PLB1: variants seen among roughly 807,000 people sequenced by gnomAD.
PLB1 encodes phospholipase B1.
A neutral mutation model predicts 227.4 loss-of-function variants in PLB1; 242 were observed. The ratio of observed to expected loss-of-function variants is 1.06; its 90% CI spans 0.96 to 1.18. The LOEUF is 1.18. Ranked by LOEUF, PLB1 falls within the 50% of genes most tolerant of loss-of-function variation. The pLI is 0.00. For missense variants in PLB1, 1,858 were observed against 1,816.3 expected (o/e 1.02, Z -0.42); for synonymous variants, 757 against 682.2 (o/e 1.11, Z -1.71).
intron 46 of PLB1, among the ~76,000 whole-genome samples, chr2:28,619,809 C>A (rs1489671370): frequency 6.6e-6 from 1 of 152,090 alleles, no homozygotes; most frequent in East Asian, 1.9e-4. Context: ...TTATGGTGAC[C>A]TCAGAAGATT....
intron 6 of PLB1, among the ~76,000 whole-genome samples, chr2:28,528,014 A>G (rs1246629952): frequency 6.6e-6 from 1 of 152,166 alleles, no homozygotes; most frequent in Non-Finnish European, 1.5e-5. Flanking sequence ...CTACAGGTGG[A>G]AAAGTGTTTC....
chr2:28,604,887 G>A (rs1684443016), intron 41 of PLB1, 128 bp downstream of exon 41: 4 of 843,754 alleles, frequency 4.7e-6, no homozygotes, highest in Non-Finnish European at 5.5e-6. Context: ...GTGCTGGCAG[G>A]TGCAGGCTCC....
At chr2:28,624,041 T>A (rs996623427) in intron 49 of PLB1, among the ~76,000 whole-genome samples, 6 of 152,162 alleles carry the variant, frequency 3.9e-5, no homozygotes, top group Non-Finnish European at 5.9e-5. Context: ...GAGGCTGCAG[T>A]GAGCCGTGAT....
intron 44 of PLB1, among the ~76,000 whole-genome samples, chr2:28,614,312 G>C (rs1195403824): frequency 6.6e-6 from 1 of 152,192 alleles, no homozygotes; most frequent in Admixed American, 6.5e-5. Context: ...CCCCCAAGCA[G>C]AGGAAGTGTC....
At chr2:28,511,354 G>A (rs1316091494) in intron 1 of PLB1, among the ~76,000 whole-genome samples, 1 of 151,996 alleles carries the variant, frequency 6.6e-6, no homozygotes, top group Admixed American at 6.5e-5. Context: ...CTTGTCTAGA[G>A]GGACATATAA....
chr2:28,614,131 C>G, intron 44 of PLB1, 35 bp downstream of exon 44: 1 of 1,564,264 alleles, frequency 6.4e-7, no homozygotes, highest in East Asian at 2.2e-5. Context: ...CTCTCAGACA[C>G]AAACCATTTC....
At chr2:28,599,410 C>A (rs1683507588) in intron 35 of PLB1, among the ~76,000 whole-genome samples, 1 of 152,210 alleles carries the variant, frequency 6.6e-6, no homozygotes, top group African/African-American at 2.4e-5. Context: ...AGGCCCACAC[C>A]TTCTGGTTGA....
At chr2:28,602,769 C>A in intron 38 of PLB1, 52 bp from the exon 39 acceptor site, 1 of 1,518,748 alleles carries the variant, frequency 6.6e-7, no homozygotes, top group Admixed American at 1.7e-5. Context: ...CCTGAGACAG[C>A]CCCAGGAAGA....
chr2:28,557,129 C>T (rs544016176), intron 17 of PLB1, among the ~76,000 whole-genome samples: 25 of 152,280 alleles, frequency 1.6e-4, no homozygotes, highest in African/African-American at 5.3e-4. Flanking sequence ...TGTCCCTGGA[C>T]ACAACCAGGC....
chr2:28,546,091 G>A (rs1327081963), intron 14 of PLB1, among the ~76,000 whole-genome samples: 1 of 152,126 alleles, frequency 6.6e-6, no homozygotes, highest in Non-Finnish European at 1.5e-5. Context: ...GGTGACAGCA[G>A]CCCCATCTAA....
rs1676724051 is a variant in PLB1 at position 28,565,434 on chromosome 2, G to A, written c.1280+81G>A. The A allele has an allele frequency of 9.3e-6, 12 of 1,291,790 alleles. No individual in the cohort carries two copies. In the East Asian group the frequency reaches 2.0e-4, roughly 21 times the overall value. 80.0% of individuals were successfully genotyped at this position (1,291,790 alleles called of 1,614,324 possible). A position where few individuals can be genotyped will look rare whatever the true frequency, so the allele number is the denominator to read the frequency against. On this transcript the variant is annotated intron_variant, in intron 19 of 57. Coordinates refer to ENST00000327757, the MANE Select transcript of PLB1 (RefSeq NM_153021.5). ...CCCCCTGAGTGTTCTAGAAAACAACGCCTTAAGCAGAAGGGTGGGCCATTT... is the reference window on the plus strand; with the variant it reads ...CCCCCTGAGTGTTCTAGAAAACAACACCTTAAGCAGAAGGGTGGGCCATTT...
intron 52 of PLB1, 76 bp from the exon 53 acceptor site, chr2:28,629,018 T>C (rs981250576): frequency 2.6e-5 from 32 of 1,241,136 alleles, no homozygotes; most frequent in Non-Finnish European, 3.4e-5. Flanking sequence ...GGAGTGGGAA[T>C]TGGATTGTAG....
chr2:28,582,274 G>T, intron 24 of PLB1, 131 bp from the exon 25 acceptor site: 1 of 1,200,640 alleles, frequency 8.3e-7, no homozygotes, highest in South Asian at 1.3e-5. Context: ...GAGCAGGGAC[G>T]GGTGGAGGAA....
Position 28,618,193 on chromosome 2 carries a change from T to C in PLB1, c.3257-148T>C, listed in dbSNP as rs1375414960. 24 of 749,710 alleles carry C rather than the reference T, an allele frequency of 3.2e-5. No individual in the cohort carries two copies. The Middle Eastern group carries it at 7.9e-4, about 25-fold the overall frequency. 46.4% of individuals were successfully genotyped at this position (749,710 alleles called of 1,614,324 possible). On this transcript the variant is annotated intron_variant, in intron 45 of 57. Transcript: ENST00000327757. ...CAGTGCCTTGGTTGGTCTGAATGAA[T>C]GGGAGGGGCAAAACTGCTAAAGCCT...
intron 9 of PLB1, 150 bp downstream of exon 9, chr2:28,532,344 GGATA>G (rs1456937793): frequency 5.8e-5 from 29 of 504,088 alleles, no homozygotes; most frequent in Non-Finnish European, 8.5e-5. Flanking sequence ...ATGGATGGAT[GGATA>G]GATGGATGGA....
At chr2:28,638,529 G>A (rs1001508287) in intron 56 of PLB1, among the ~76,000 whole-genome samples, 1 of 152,118 alleles carries the variant, frequency 6.6e-6, no homozygotes, top group Non-Finnish European at 1.5e-5. Context: ...ACCACTAGGA[G>A]GCTGCTGTTG....
In PLB1 at chr2:28,548,896, G is replaced by A; in HGVS notation, c.973G>A (p.Val325Ile). The stretch of plus-strand genomic sequence containing the variant: ...AGGAGAGAAAGATGAGCCATTGAGT[G>A]TAAAACACGGGAGGCCAATGAAGTG... The part of the protein sequence containing the change: ...PAGEKDEPLS[V>I]KHGRPMKCPS... The change falls in exon 15 of 58, where the codon GTA becomes ATA. Residue 325 changes from valine (V) to isoleucine (I), a missense_variant. Coordinates refer to ENST00000327757, the MANE Select transcript of PLB1 (RefSeq NM_153021.5). The A allele has an allele frequency of 6.2e-7, 1 of 1,614,140 alleles. No homozygotes were observed. The highest frequency in any genetic ancestry group is 8.5e-7 in the Non-Finnish European group (1 of 1,179,988).
intron 18 of PLB1, among the ~76,000 whole-genome samples, chr2:28,563,973 C>T (rs1421911522): frequency 3.3e-5 from 5 of 152,062 alleles, no homozygotes; most frequent in Non-Finnish European, 7.4e-5. Flanking sequence ...GGCCCAGTGG[C>T]TCACATCTAT....
chr2:28,518,490 T>C lies in PLB1; in HGVS notation c.142T>C (p.Cys48Arg), dbSNP rs148031591. 30 of 1,613,140 alleles carry C rather than the reference T, an allele frequency of 1.9e-5. No individual in the cohort carries two copies. The African/African-American group carries it at 3.5e-4, about 19-fold the overall frequency. ...PETLKNSPFP[C>R]NPNKLGVNMP... The stretch of plus-strand genomic sequence containing the variant: ...GACCCTGAAGAATTCTCCATTCCCA[T>C]GCAACCCAAATAAATTAGGAGTGAA... Residue 48 changes from cysteine (C) to arginine (R), a missense_variant, in exon 3 of 58, where the codon TGC (cysteine) becomes CGC (arginine). Physicochemically the swap from Cys to Arg is radical, Grantham distance 180. Coordinates refer to ENST00000327757, the MANE Select transcript of PLB1 (RefSeq NM_153021.5).
Sources: gnomAD v4.1 joint callset for allele counts (sites outside exome capture counted in the v4.1 genomes callset) on GRCh38, gnomAD v4.1.1 for gene constraint, MANE v1.5 for transcripts, NCBI Gene and HGNC (gene_info 2026-07-23, HGNC 2026-07-21) for gene names.